Variants in MICU2 observed in about 807,000 individuals in gnomAD.
The protein encoded by MICU2 is mitochondrial calcium uptake 2, also known as calcium uptake protein 2, mitochondrial.
MICU2 carries 64 observed loss-of-function variants against 60.4 expected under a neutral mutation model. The observed-to-expected ratio is 1.06, with a 90% CI of 0.87 to 1.31. MICU2 has a LOEUF of 1.31. MICU2 is among the 50% of genes most tolerant of loss of function. The pLI, the probability that MICU2 is intolerant of heterozygous loss-of-function variation, is 0.00. For missense variants in MICU2, 569 were observed against 531.0 expected, an observed-to-expected ratio of 1.07 and a Z score of -0.70; for synonymous variants, 201 against 175.0, an observed-to-expected ratio of 1.15 and a Z score of -1.17.
intron 8 of MICU2, among the ~76,000 whole-genome samples, chr13:21,509,286 T>C (rs191060786): frequency 6.0e-4 from 92 of 152,336 alleles, no homozygotes; most frequent in Middle Eastern, 3.4e-3. Flanking sequence ...ACCTTTTAGA[T>C]AAAGAAATGA....
intron 1 of MICU2, among the ~76,000 whole-genome samples, chr13:21,595,696 T>C (rs1476682858): frequency 1.3e-5 from 2 of 152,248 alleles, no homozygotes; most frequent in African/African-American, 4.8e-5. Flanking sequence ...AGGCTCCTTC[T>C]ACAGACTAGT....
At chr13:21,569,493 C>A (rs867370590) in intron 1 of MICU2, among the ~76,000 whole-genome samples, 1 of 151,964 alleles carries the variant, frequency 6.6e-6, no homozygotes, top group African/African-American at 2.4e-5. Flanking sequence ...GCAGAGGAAG[C>A]CCCCAAGTCA....
intron 2 of MICU2, among the ~76,000 whole-genome samples, chr13:21,559,311 T>C (rs902140190): frequency 6.6e-6 from 1 of 152,230 alleles, no homozygotes; most frequent in African/African-American, 2.4e-5. Flanking sequence ...TTATCCAGTC[T>C]GTTATTAAGG....
chr13:21,521,093 T>C (rs1332770310), intron 6 of MICU2, 152 bp downstream of exon 6: 2 of 667,998 alleles, frequency 3.0e-6, no homozygotes, highest in East Asian at 2.9e-5. Context: ...GGTTGTATTA[T>C]AGAAAATTTA....
chr13:21,554,872 T>C (rs1246831130), intron 2 of MICU2, among the ~76,000 whole-genome samples: 1 of 151,976 alleles, frequency 6.6e-6, no homozygotes, highest in Non-Finnish European at 1.5e-5. Context: ...CAAACTACCA[T>C]CAGAGAATAC....
chr13:21,544,530 A>AAC lies in MICU2; in HGVS notation c.359-4843_359-4842insGT, dbSNP rs1277413242. On this transcript the variant is annotated intron_variant, in intron 2 of 11. Transcript: ENST00000382374. ...AATAAACACATGAAAAAAAAAAAAA[A>AAC]AAAACTCAATACCACTGATCATCAG... Among the ~76,000 whole-genome samples the AAC allele has an allele frequency of 6.6e-3, 987 of 149,102 alleles. 12 individuals carry two copies. Among genetic ancestry groups the AAC allele is most frequent in the Middle Eastern group, 0.038 (11 of 290 alleles).
intron 4 of MICU2, among the ~76,000 whole-genome samples, chr13:21,538,576 A>C (rs1041495259): frequency 2.6e-5 from 4 of 151,100 alleles, no homozygotes; most frequent in Non-Finnish European, 3.0e-5. Flanking sequence ...AAAAAAAAAA[A>C]AAAACCCCAA....
intron 1 of MICU2, among the ~76,000 whole-genome samples, chr13:21,567,520 A>G (rs1366351624): frequency 6.6e-6 from 1 of 152,222 alleles, no homozygotes; most frequent in Non-Finnish European, 1.5e-5. Context: ...TTTCATAAAG[A>G]TAAAATATAT....
intron 6 of MICU2, chr13:21,515,424 C>T (rs962643328): frequency 3.6e-6 from 1 of 280,954 alleles, no homozygotes; most frequent in Non-Finnish European, 7.3e-6. Context: ...CATAGTCTTC[C>T]TTTTCCCTTT....
intron 1 of MICU2, among the ~76,000 whole-genome samples, chr13:21,600,086 A>T (rs1222364037): frequency 6.6e-6 from 1 of 152,210 alleles, no homozygotes; most frequent in Non-Finnish European, 1.5e-5. Flanking sequence ...AAGTTCATGG[A>T]TCCCCTAAAT....
intron 1 of MICU2, among the ~76,000 whole-genome samples, chr13:21,569,017 C>T (rs766089076): frequency 3.3e-5 from 5 of 152,046 alleles, no homozygotes; most frequent in Non-Finnish European, 7.4e-5. Flanking sequence ...AGTGAACTGT[C>T]ACTCCTTTGA....
chr13:21,588,030 A>G (rs1888495897), intron 1 of MICU2, among the ~76,000 whole-genome samples: 1 of 152,188 alleles, frequency 6.6e-6, no homozygotes, highest in Admixed American at 6.5e-5. Flanking sequence ...GCATTTCAAT[A>G]CAGACCCCAG....
chr13:21,521,370 C>G lies in MICU2; in HGVS notation c.515-43G>C, dbSNP rs188665838. ...ATGAATATTTAAATGTTGATGAAAACCAAGTTATTTGTAGATAGATAGGTC... is the reference window on the plus strand; with the variant it reads ...ATGAATATTTAAATGTTGATGAAAAGCAAGTTATTTGTAGATAGATAGGTC... On this transcript the variant is annotated intron_variant, in intron 5 of 11. Coordinates refer to ENST00000382374, the MANE Select transcript of MICU2 (RefSeq NM_152726.3). The G allele has an allele frequency of 3.2e-4, 490 of 1,536,344 alleles. 3 individuals are homozygous for G. In the African/African-American group the frequency reaches 6.2e-3, roughly 19 times the overall value.
intron 2 of MICU2, 122 bp downstream of exon 2, chr13:21,566,675 G>A: frequency 1.3e-6 from 1 of 771,020 alleles, no homozygotes; most frequent in African/African-American, 1.8e-5. Context: ...GTCTAAATAA[G>A]CAAATGCATG....
chr13:21,539,588 G>T (rs191794298), intron 3 of MICU2, 69 bp downstream of exon 3: 9 of 1,595,932 alleles, frequency 5.6e-6, no homozygotes, highest in Admixed American at 1.7e-5. Context: ...GTGAGCCACC[G>T]TGCCCGGCCA....
intron 4 of MICU2, among the ~76,000 whole-genome samples, chr13:21,528,603 T>C (rs185452385): frequency 6.6e-6 from 1 of 152,308 alleles, no homozygotes; most frequent in Admixed American, 6.5e-5. Context: ...TACTGTTCTC[T>C]GTTTGTTCAG....
intron 1 of MICU2, among the ~76,000 whole-genome samples, 169 bp from the exon 2 acceptor site, chr13:21,567,113 A>G (rs1295240500): frequency 6.6e-6 from 1 of 152,220 alleles, no homozygotes; most frequent in Non-Finnish European, 1.5e-5. Context: ...CTGAAGATAC[A>G]ATAGTGAATA....
At chr13:21,591,239 A>T (rs1321668670) in intron 1 of MICU2, among the ~76,000 whole-genome samples, 1 of 152,130 alleles carries the variant, frequency 6.6e-6, no homozygotes, top group Non-Finnish European at 1.5e-5. Flanking sequence ...CTAGTCTCTG[A>T]CAAAACAGAC....
intron 8 of MICU2, among the ~76,000 whole-genome samples, chr13:21,504,879 G>C (rs1168848246): frequency 6.6e-6 from 1 of 152,118 alleles, no homozygotes; most frequent in East Asian, 1.9e-4. Context: ...AATCAAGGCT[G>C]TTTTTCCTGA....
Sources: allele counts gnomAD v4.1 joint callset (sites outside exome capture counted in the v4.1 genomes callset), GRCh38; gene constraint gnomAD v4.1.1; transcripts MANE v1.5; gene names NCBI Gene and HGNC (gene_info 2026-07-23, HGNC 2026-07-21).